Variants in CCDC88C observed in about 807,000 individuals in gnomAD.
CCDC88C encodes coiled-coil and HOOK domain protein 88C.
A neutral mutation model predicts 198.8 loss-of-function variants in CCDC88C; 131 were observed. That is an observed-to-expected ratio of 0.66 (90% CI 0.57 to 0.76). The LOEUF (loss-of-function observed/expected upper bound fraction) is 0.76, where lower values mean the gene tolerates loss of function less well. CCDC88C is among the 30% of genes least tolerant of loss of function. CCDC88C has a pLI of 0.00. For missense variants in CCDC88C, 2,553 were observed against 2,631.6 expected (o/e 0.97, Z 0.65); for synonymous variants, 1,166 against 1,114.7 (o/e 1.05, Z -0.92).
Position 91,371,615 on chromosome 14 carries a change from T to C in CCDC88C, c.271-11904A>G, listed in dbSNP as rs116696101. ...TCCAGTCAGGGGTGGCTCTAGCTGA[T>C]TTCCTGGGCAGGCACCTATCTGTCC... On this transcript the variant is annotated intron_variant, in intron 3 of 29. Coordinates refer to ENST00000389857, the MANE Select transcript of CCDC88C (RefSeq NM_001080414.4). The surrounding 1 kb of genome is among the most constrained non-coding windows in gnomAD (Gnocchi z 4.2). Among the ~76,000 whole-genome samples, 1,473 of 152,228 alleles carry C rather than the reference T, an allele frequency of 9.7e-3. 30 individuals carry two copies. Among genetic ancestry groups the C allele is most frequent in the African/African-American group, 0.032 (1,346 of 41,542 alleles).
At position 91,338,113 on chromosome 14, in the gene CCDC88C, C is replaced by G. The variant is rs1402724046; in HGVS notation, c.942G>C (p.Glu314Asp). 6.2e-7 allele frequency: 1 copy of G among 1,613,848 alleles called. No homozygotes were observed. The highest frequency in any genetic ancestry group is 8.5e-7 in the Non-Finnish European group (1 of 1,179,910). Residue 314 changes from glutamate (E) to aspartate (D), a missense_variant, in exon 10 of 30, where the codon GAG becomes GAC. This residue lies in a region of CCDC88C where 1,260 missense variants were observed against 1,412.0 expected (regional missense o/e 0.89). Transcript: ENST00000389857. The surrounding 1 kb of genome is among the most constrained non-coding windows in gnomAD (Gnocchi z 4.8). ...TCGCCTTCTCCCGCAGGGAATCCAG[C>G]TCGTCTCGATAGGCACGAGCAGACC... ...DARSARAYRD[E>D]LDSLREKANR...
chr14:91,384,370 A>C (rs998786140), intron 3 of CCDC88C: 1 of 442,116 alleles, frequency 2.3e-6, no homozygotes. Context: ...GGCTTGTCAA[A>C]TGATGTAAAT....
intron 25 of CCDC88C, among the ~76,000 whole-genome samples, chr14:91,287,519 G>C (rs1342439419): frequency 1.3e-5 from 2 of 152,080 alleles, no homozygotes; most frequent in South Asian, 2.1e-4. Context: ...ATATATATTG[G>C]TAGATGGGGG....
intron 4 of CCDC88C, 138 bp from the exon 5 acceptor site, chr14:91,343,795 T>G: frequency 1.0e-6 from 1 of 954,052 alleles, no homozygotes; most frequent in South Asian, 1.4e-5. Flanking sequence ...ACACACTCCA[T>G]CGATCTTCCA....
chr14:91,324,920 G>C lies in CCDC88C; in HGVS notation c.1201C>G (p.Arg401Gly), dbSNP rs751345941. ...KSKLHDLELD[R>G]DTDKKRIEEL... Reference sequence around the variant, plus strand: ...TCAATTCGTTTCTTATCTGTGTCCCGGTCCTGGGGCAAGCAAGAAGAGGCA... The same window carrying C: ...TCAATTCGTTTCTTATCTGTGTCCCCGTCCTGGGGCAAGCAAGAAGAGGCA... The change falls in exon 12 of 30, where the codon CGG becomes GGG. Residue 401 changes from arginine (R) to glycine (G), a missense_variant. Around this residue, in one of 2 missense-constraint regions of CCDC88C, gnomAD observed 1,260 missense variants for 1,412.0 expected, o/e 0.89. Transcript: ENST00000389857. The C allele has an allele frequency of 1.2e-6, 2 of 1,613,534 alleles. No individual in the cohort carries two copies. Among genetic ancestry groups the C allele is most frequent in the Non-Finnish European group, 1.7e-6 (2 of 1,179,886 alleles).
chr14:91,284,696 TA>T lies in CCDC88C; in HGVS notation c.4442-1180del, dbSNP rs1338650447. Reference sequence around the variant, plus strand: ...GGCACATTAACCGACTCTCATATTTTAGTAATTATGTGTTTATTCTTATGAT... The same window carrying T: ...GGCACATTAACCGACTCTCATATTTTGTAATTATGTGTTTATTCTTATGAT... On this transcript the variant is annotated intron_variant, in intron 25 of 29. Transcript: ENST00000389857. The surrounding 1 kb of genome is among the most constrained non-coding windows in gnomAD (Gnocchi z 4.1). 3.3e-5 allele frequency among the ~76,000 whole-genome samples: 5 copies of T among 152,260 alleles called. No individual in the cohort carries two copies. Among genetic ancestry groups the T allele is most frequent in the African/African-American group, 4.8e-5 (2 of 41,464 alleles).
Position 91,325,697 on chromosome 14 carries a change from C to G in CCDC88C, c.1197+213G>C, listed in dbSNP as rs190960112. Among the ~76,000 whole-genome samples, 16 of 152,294 alleles carry G rather than the reference C, an allele frequency of 1.1e-4. No homozygotes were observed. The East Asian group carries it at 1.2e-3, about 11-fold the overall frequency. On this transcript the variant is annotated intron_variant, in intron 11 of 29. Coordinates refer to ENST00000389857, the MANE Select transcript of CCDC88C (RefSeq NM_001080414.4). This position sits in a 1 kb window ranked among gnomAD's most constrained non-coding sequence, Gnocchi z 4.1. Reference sequence around the variant, plus strand: ...GCTCAAGCAACCCTCCTGCCTCAGTCTCTCCCAAGTAGATGGAACTACAGG... The same window carrying G: ...GCTCAAGCAACCCTCCTGCCTCAGTGTCTCCCAAGTAGATGGAACTACAGG...
chr14:91,348,322 TA>T (rs11449969), intron 4 of CCDC88C, among the ~76,000 whole-genome samples: 79 of 117,864 alleles, frequency 6.7e-4, no homozygotes, highest in African/African-American at 2.1e-3. Flanking sequence ...CTATCTCTAT[TA>T]AAAAAAAAAA....
intron 3 of CCDC88C, among the ~76,000 whole-genome samples, chr14:91,398,227 A>C (rs1026696579): frequency 6.6e-6 from 1 of 152,250 alleles, no homozygotes. Context: ...AAAAGAAAGG[A>C]AAACAAGTCC....
chr14:91,330,018 T>G (rs1892749784), intron 10 of CCDC88C, among the ~76,000 whole-genome samples: 1 of 152,242 alleles, frequency 6.6e-6, no homozygotes, highest in Admixed American at 6.5e-5. Context: ...AACACAACTG[T>G]GTTCATAAAA....
At chr14:91,354,698 GC>G (rs528106858) in intron 4 of CCDC88C, among the ~76,000 whole-genome samples, 1 of 152,108 alleles carries the variant, frequency 6.6e-6, no homozygotes, top group Non-Finnish European at 1.5e-5. Context: ...AGAAAGGTGG[GC>G]CCCCTGCATG....
chr14:91,314,419 G>A (rs146935365), intron 14 of CCDC88C, among the ~76,000 whole-genome samples: 4 of 152,270 alleles, frequency 2.6e-5, no homozygotes, highest in South Asian at 2.1e-4. Flanking sequence ...AAGTTTCAGC[G>A]GTTTCTCTTG....
intron 13 of CCDC88C, 87 bp downstream of exon 13, chr14:91,321,033 T>C: frequency 1.5e-6 from 2 of 1,323,766 alleles, no homozygotes; most frequent in South Asian, 1.5e-5. Flanking sequence ...GCCCCCTCCT[T>C]GTCTGTGCTC....
At chr14:91,383,613 A>G (rs889037426) in intron 3 of CCDC88C, among the ~76,000 whole-genome samples, 1 of 152,212 alleles carries the variant, frequency 6.6e-6, no homozygotes, top group African/African-American at 2.4e-5. Flanking sequence ...TTACTTTGCA[A>G]AACCAGTTCT....
intron 4 of CCDC88C, among the ~76,000 whole-genome samples, chr14:91,347,067 G>T (rs938117332): frequency 2.0e-5 from 3 of 151,990 alleles, no homozygotes; most frequent in Non-Finnish European, 4.4e-5. Flanking sequence ...CTGGATATAA[G>T]AGGCACAGAC....
chr14:91,400,255 C>G (rs991686223), intron 3 of CCDC88C, among the ~76,000 whole-genome samples: 1 of 152,240 alleles, frequency 6.6e-6, no homozygotes, highest in Non-Finnish European at 1.5e-5. Flanking sequence ...TGGGGGCCAC[C>G]AGAGCTTCCA....
chr14:91,315,625 A>AGGCGTTAGT (rs1892060917), intron 14 of CCDC88C, 25 bp downstream of exon 14: 1 of 1,612,986 alleles, frequency 6.2e-7, no homozygotes, highest in African/African-American at 1.3e-5. Flanking sequence ...GTTCTAGGAG[A>AGGCGTTAGT]GGCGTTAGTG....
chr14:91,393,165 T>C (rs538565150), intron 3 of CCDC88C, among the ~76,000 whole-genome samples: 1 of 152,114 alleles, frequency 6.6e-6, no homozygotes, highest in Non-Finnish European at 1.5e-5. Context: ...ATCACCCCCA[T>C]CTGACAAAAG....
intron 13 of CCDC88C, among the ~76,000 whole-genome samples, chr14:91,318,917 C>CAAAA (rs61183857): frequency 0.029 from 3,000 of 102,566 alleles, 119 homozygotes; most frequent in Admixed American, 0.052. Context: ...AGACTCCGTC[C>CAAAA]AAAAAAAAAA....
Sources: gnomAD v4.1 joint callset for allele counts (sites outside exome capture counted in the v4.1 genomes callset) on GRCh38, gnomAD v4.1.1 for gene constraint, gnomAD v4.1.1 regional missense constraint, Gnocchi (gnomAD v3.1) non-coding constraint, MANE v1.5 for transcripts, NCBI Gene and HGNC (gene_info 2026-07-23, HGNC 2026-07-21) for gene names.